The following AGBL1 variants were observed in gnomAD, a reference collection of about 807,000 sequenced individuals.
AGBL1 encodes the protein cytosolic carboxypeptidase 4.
Under a neutral mutation model 118.9 loss-of-function variants are expected in AGBL1, and 130 were observed. The observed-to-expected ratio is 1.09, with a 90% CI of 0.95 to 1.26. AGBL1 has a LOEUF of 1.26. Ranked by LOEUF, AGBL1 falls within the 50% of genes most tolerant of loss-of-function variation. The probability of loss-of-function intolerance (pLI) is 0.00; values close to 1 mark genes in which losing one functional copy is unlikely to be tolerated. For missense variants in AGBL1, 1,584 were observed against 1,298.1 expected (o/e 1.22, Z -3.38); for synonymous variants, 555 against 478.9 (o/e 1.16, Z -2.08).
rs546204473 is a variant in AGBL1, at chr15:86,591,219, C to T, written c.2994+36682C>T. Among the ~76,000 whole-genome samples, 17 of 152,308 alleles carry T rather than the reference C, an allele frequency of 1.1e-4. No homozygotes were observed. The East Asian group carries it at 3.1e-3, about 28-fold the overall frequency. On this transcript the variant is annotated intron_variant, in intron 21 of 22. Transcript: ENST00000614907. ...GAGGAGAAAAAATACAAACTCAGAG[C>T]TTTTTCCTATTCTCTTTCCCAACAC...
At chr15:86,775,716 G>C (rs2078246061) in intron 22 of AGBL1, among the ~76,000 whole-genome samples, 1 of 152,068 alleles carries the variant, frequency 6.6e-6, no homozygotes, top group African/African-American at 2.4e-5. Context: ...ACTCATGCCA[G>C]AAGATTTTTT....
intron 7 of AGBL1, 53 bp downstream of exon 7, chr15:86,247,932 G>T: frequency 6.3e-7 from 1 of 1,578,526 alleles, no homozygotes. Context: ...GGTGATTCCT[G>T]AAGGCTGTCA....
chr15:86,590,644 C>G lies in AGBL1; in HGVS notation c.2994+36107C>G, dbSNP rs536214845. 2.0e-5 allele frequency among the ~76,000 whole-genome samples: 3 copies of G among 152,240 alleles called. No individual in the cohort carries two copies. In the South Asian group the frequency reaches 6.2e-4, roughly 32 times the overall value. The stretch of plus-strand genomic sequence containing the variant: ...AGATGAAACCTCACAGGTAGCAACC[C>G]TCAGAGACAATAGATAGTAAATGTT... On this transcript the variant is annotated intron_variant, in intron 21 of 22. Coordinates refer to ENST00000614907, the MANE Select transcript of AGBL1 (RefSeq NM_001386094.1).
intron 18 of AGBL1, among the ~76,000 whole-genome samples, chr15:86,488,541 C>T (rs1223126481): frequency 1.3e-5 from 2 of 152,032 alleles, no homozygotes; most frequent in Non-Finnish European, 2.9e-5. Flanking sequence ...TATGGGGTCA[C>T]AAAGGCAGCC....
At chr15:86,982,897 T>C (rs2081246001) in intron 23 of AGBL1, among the ~76,000 whole-genome samples, 2 of 152,340 alleles carry the variant, frequency 1.3e-5, no homozygotes, top group Non-Finnish European at 1.5e-5. Flanking sequence ...GCGGCACCCC[T>C]CATCTTCATG....
intron 22 of AGBL1, among the ~76,000 whole-genome samples, chr15:86,691,338 C>T (rs1419720224): frequency 6.6e-6 from 1 of 152,158 alleles, no homozygotes; most frequent in Non-Finnish European, 1.5e-5. Context: ...TGGGTGCTAT[C>T]TTCTCACATG....
intron 22 of AGBL1, among the ~76,000 whole-genome samples, chr15:86,764,023 G>C (rs759825242): frequency 2.0e-5 from 3 of 152,018 alleles, no homozygotes; most frequent in Non-Finnish European, 2.9e-5. Flanking sequence ...ATTGGGTAGG[G>C]AAAGCGAAGA....
At chr15:86,746,576 C>G (rs2077759733) in intron 22 of AGBL1, among the ~76,000 whole-genome samples, 1 of 152,092 alleles carries the variant, frequency 6.6e-6, no homozygotes, top group South Asian at 2.1e-4. Flanking sequence ...AGCTGGTAAC[C>G]ATGTTTGTCT....
chr15:86,301,784 T>C (rs935809845), intron 17 of AGBL1, among the ~76,000 whole-genome samples: 1 of 151,806 alleles, frequency 6.6e-6, no homozygotes, highest in Non-Finnish European at 1.5e-5. Flanking sequence ...TGTATCTTCA[T>C]GGTAAAATCA....
At chr15:86,766,323 C>A (rs1274679888) in intron 22 of AGBL1, among the ~76,000 whole-genome samples, 1 of 151,744 alleles carries the variant, frequency 6.6e-6, no homozygotes, top group East Asian at 1.9e-4. Context: ...ACTATTTTTT[C>A]TTGTAATTTT....
chr15:86,229,611 C>T (rs565661635), intron 6 of AGBL1, among the ~76,000 whole-genome samples: 1 of 152,216 alleles, frequency 6.6e-6, no homozygotes, highest in African/African-American at 2.4e-5. Context: ...CTGTCTTTTC[C>T]TCTTTTTCCC....
At chr15:86,129,317 A>G (rs1415024301) in intron 1 of AGBL1, among the ~76,000 whole-genome samples, 1 of 152,258 alleles carries the variant, frequency 6.6e-6, no homozygotes, top group African/African-American at 2.4e-5. Context: ...CTGGTCTTGT[A>G]TCTGATTCAG....
rs769046185 is a variant in AGBL1, at chr15:86,469,811, C to T, written c.2556-52999C>T. ...GATATCTCATTGTCATTTTAACTTG[C>T]GTTTCCCAGATGATTAGTGAAGTTG... On this transcript the variant is annotated intron_variant, in intron 18 of 22. Coordinates refer to ENST00000614907, the MANE Select transcript of AGBL1 (RefSeq NM_001386094.1). 6.6e-5 allele frequency among the ~76,000 whole-genome samples: 10 copies of T among 152,192 alleles called. No individual in the cohort carries two copies. In the East Asian group the frequency reaches 7.7e-4, roughly 12 times the overall value.
rs2080232361 is a variant in AGBL1, at chr15:86,329,144, C to T, written c.2374+33736C>T. Among the ~76,000 whole-genome samples the T allele has an allele frequency of 2.6e-5, 4 of 152,234 alleles. No individual in the cohort carries two copies. In the South Asian group the frequency reaches 8.3e-4, roughly 32 times the overall value. ...CAGGGCCATCTTGGCAGACTGGAAC[C>T]AGTCTGCATGTATCATTGCTGGGTG... is the stretch of plus-strand genomic sequence containing the variant. On this transcript the variant is annotated intron_variant, in intron 17 of 22. Coordinates refer to ENST00000614907, the MANE Select transcript of AGBL1 (RefSeq NM_001386094.1).
chr15:86,110,546 CAG>C (rs1380378550), intron 1 of AGBL1, among the ~76,000 whole-genome samples: 3 of 151,960 alleles, frequency 2.0e-5, no homozygotes, highest in Admixed American at 1.3e-4. Flanking sequence ...CTTGCTGTCT[CAG>C]GGGTGGCAGA....
At chr15:86,333,023 T>G (rs1404033858) in intron 17 of AGBL1, among the ~76,000 whole-genome samples, 1 of 152,188 alleles carries the variant, frequency 6.6e-6, no homozygotes, top group African/African-American at 2.4e-5. Flanking sequence ...CCAAAATCTT[T>G]GGTATATAGC....
At chr15:86,400,592 C>G (rs1308082918) in intron 18 of AGBL1, among the ~76,000 whole-genome samples, 2 of 149,518 alleles carry the variant, frequency 1.3e-5, no homozygotes, top group African/African-American at 4.9e-5. Flanking sequence ...AATGTGTAGT[C>G]TTTTATCCCT....
At chr15:86,897,528 T>C (rs1208807126) in intron 22 of AGBL1, among the ~76,000 whole-genome samples, 1 of 152,110 alleles carries the variant, frequency 6.6e-6, no homozygotes, top group East Asian at 1.9e-4. Context: ...ATTGTAACTT[T>C]CTCCCCTACA....
chr15:86,871,978 A>T (rs542935590), intron 22 of AGBL1, among the ~76,000 whole-genome samples: 1 of 152,264 alleles, frequency 6.6e-6, no homozygotes, highest in Non-Finnish European at 1.5e-5. Context: ...GATACTACAA[A>T]AACCCTGTGG....
Sources: gnomAD v4.1 joint callset for allele counts (sites outside exome capture counted in the v4.1 genomes callset) on GRCh38, gnomAD v4.1.1 for gene constraint, MANE v1.5 for transcripts, NCBI Gene and HGNC (gene_info 2026-07-23, HGNC 2026-07-21) for gene names.